Variants in PLD5 observed in about 807,000 individuals in gnomAD.
PLD5 encodes the protein inactive phospholipase D5.
PLD5 carries 36 observed loss-of-function variants against 61.1 expected under a neutral mutation model. The observed-to-expected ratio is 0.59, with a 90% confidence interval of 0.45 to 0.78. The LOEUF (loss-of-function observed/expected upper bound fraction) is 0.78. PLD5 is among the 30% of genes least tolerant of loss of function. The pLI is 0.00. For missense variants in PLD5, 515 were observed against 644.4 expected, an observed-to-expected ratio of 0.80 and a Z score of 2.17; for synonymous variants, 243 against 242.8, an observed-to-expected ratio of 1.00 and a Z score of -0.01.
In PLD5 at chr1:242,220,015, G is replaced by T; in HGVS notation, c.708C>A (p.Ala236=). The change falls in exon 5 of 10, where the codon GCC becomes GCA. Residue 236 remains alanine, a synonymous_variant. Coordinates refer to ENST00000536534, the MANE Select transcript of PLD5 (RefSeq NM_001372062.1). ...VDKQHVYIGS[A]GLDWQSLGQM... ...GTCCCAGGGATTGCCAGTCCAAACC[G>T]GCACTGCCGATATACACGTGCTGTT... 1.9e-6 allele frequency: 3 copies of T among 1,614,068 alleles called. No individual in the cohort carries two copies. The highest frequency in any genetic ancestry group is 2.5e-6 in the Non-Finnish European group (3 of 1,179,938).
rs1669374475 is a variant in PLD5 at position 242,524,279 on chromosome 1, T to G, written c.-3A>C. ...CACTCGTGCTGCCGGATCTCCATCC[T>G]GACATGACCGGGCGGCCGCCGGCGA... is the stretch of plus-strand genomic sequence containing the variant. On this transcript the variant is annotated 5_prime_UTR_variant, in exon 1 of 10. Coordinates refer to ENST00000536534, the MANE Select transcript of PLD5 (RefSeq NM_001372062.1). 1 of 1,408,058 alleles carries G rather than the reference T, an allele frequency of 7.1e-7. No individual in the cohort carries two copies. Among genetic ancestry groups the G allele is most frequent in the Non-Finnish European group, 9.2e-7 (1 of 1,086,588 alleles). The allele number at this position is 1,408,058 out of a possible 1,614,324, so 87.2% of individuals were successfully genotyped here. A position where few individuals can be genotyped will look rare whatever the true frequency, so the allele number is the denominator to read the frequency against.
At chr1:242,228,333 G>C (rs571765629) in intron 4 of PLD5, among the ~76,000 whole-genome samples, 1 of 152,130 alleles carries the variant, frequency 6.6e-6, no homozygotes, top group African/African-American at 2.4e-5. Context: ...TATGTGCAGC[G>C]TATACATGCA....
chr1:242,466,458 A>G (rs568236168), intron 1 of PLD5, among the ~76,000 whole-genome samples: 1 of 152,336 alleles, frequency 6.6e-6, no homozygotes, highest in East Asian at 1.9e-4. Context: ...TGTGGTATAT[A>G]TACACAAAGG....
At chr1:242,257,177 CA>C (rs1179114125) in intron 4 of PLD5, among the ~76,000 whole-genome samples, 6 of 151,810 alleles carry the variant, frequency 4.0e-5, no homozygotes. Flanking sequence ...TGAAGAATCC[CA>C]AAAAGGAAAG....
At chr1:242,139,930 G>T (rs1429630378) in intron 5 of PLD5, among the ~76,000 whole-genome samples, 2 of 152,172 alleles carry the variant, frequency 1.3e-5, no homozygotes, top group African/African-American at 2.4e-5. Flanking sequence ...AGACTCTTCT[G>T]TAGGTGTGAT....
At chr1:242,121,601 A>G (rs1046959337) in intron 6 of PLD5, among the ~76,000 whole-genome samples, 9 of 152,210 alleles carry the variant, frequency 5.9e-5, no homozygotes, top group African/African-American at 9.6e-5. Flanking sequence ...GTATATACCC[A>G]AAGGATTATA....
At chr1:242,300,330 G>GCTA (rs2149159232) in intron 2 of PLD5, among the ~76,000 whole-genome samples, 1 of 152,244 alleles carries the variant, frequency 6.6e-6, no homozygotes, top group African/African-American at 2.4e-5. Flanking sequence ...AGTAATCCCA[G>GCTA]CTACTTAGGA....
At chr1:242,424,894 G>A (rs1665333902) in intron 1 of PLD5, among the ~76,000 whole-genome samples, 1 of 152,194 alleles carries the variant, frequency 6.6e-6, no homozygotes, top group Non-Finnish European at 1.5e-5. Flanking sequence ...CACTTTGGGA[G>A]GTCAAGACGG....
intron 1 of PLD5, among the ~76,000 whole-genome samples, chr1:242,494,408 T>C (rs1302361877): frequency 2.0e-5 from 3 of 152,112 alleles, no homozygotes; most frequent in Admixed American, 2.0e-4. Context: ...TTTAAGCTGA[T>C]GGTTTATCCC....
chr1:242,317,950 T>G (rs1277170551), intron 2 of PLD5, among the ~76,000 whole-genome samples: 1 of 152,184 alleles, frequency 6.6e-6, no homozygotes, highest in Non-Finnish European at 1.5e-5. Context: ...TGAATGCTAC[T>G]GTTCATGGGA....
intron 5 of PLD5, among the ~76,000 whole-genome samples, chr1:242,170,142 C>T (rs958111055): frequency 6.6e-6 from 1 of 152,234 alleles, no homozygotes; most frequent in Non-Finnish European, 1.5e-5. Flanking sequence ...GACTGGAAGA[C>T]AACTCCCAGG....
chr1:242,183,974 T>C (rs530483567), intron 5 of PLD5, among the ~76,000 whole-genome samples: 1 of 70,960 alleles, frequency 1.4e-5, no homozygotes, highest in African/African-American at 5.9e-5. Flanking sequence ...AATGACTTCA[T>C]ATTTATTTAT....
intron 1 of PLD5, among the ~76,000 whole-genome samples, chr1:242,390,747 T>C (rs1558520851): frequency 6.6e-6 from 1 of 152,196 alleles, no homozygotes; most frequent in Non-Finnish European, 1.5e-5. Context: ...ACTGAAACTA[T>C]GCTTGACTTA....
At position 242,524,390 on chromosome 1, in the gene PLD5, C is replaced by G; in HGVS notation, c.-114G>C. The stretch of plus-strand genomic sequence containing the variant: ...CGGGAGCCGGAGGTGGAGCTGGAGA[C>G]TGAGCTGGAGGAGCTGGAGGAGCGA... On this transcript the variant is annotated 5_prime_UTR_variant, in exon 1 of 10. Coordinates refer to ENST00000536534, the MANE Select transcript of PLD5 (RefSeq NM_001372062.1). 9.1e-7 allele frequency: 1 copy of G among 1,093,972 alleles called. No individual in the cohort carries two copies. Among genetic ancestry groups the G allele is most frequent in the Non-Finnish European group, 1.2e-6 (1 of 836,932 alleles). 67.8% of individuals were successfully genotyped at this position (1,093,972 alleles called of 1,614,324 possible).
At chr1:242,285,966 G>A (rs1354242177) in intron 3 of PLD5, among the ~76,000 whole-genome samples, 2 of 151,908 alleles carry the variant, frequency 1.3e-5, no homozygotes, top group African/African-American at 4.8e-5. Context: ...AAACTTAGCT[G>A]AGCATGGTGG....
chr1:242,143,217 CT>C (rs1664307949), intron 5 of PLD5, among the ~76,000 whole-genome samples: 1 of 151,152 alleles, frequency 6.6e-6, no homozygotes, highest in Non-Finnish European at 1.5e-5. Context: ...TTTCTTTTTT[CT>C]TTTTTTGTAT....
intron 5 of PLD5, among the ~76,000 whole-genome samples, chr1:242,156,406 G>T (rs535973643): frequency 2.4e-4 from 37 of 152,270 alleles, no homozygotes; most frequent in Non-Finnish European, 4.9e-4. Flanking sequence ...GATGCTAGCT[G>T]GTTAGTTTGC....
intron 1 of PLD5, among the ~76,000 whole-genome samples, chr1:242,383,199 A>T (rs923728428): frequency 2.0e-5 from 3 of 152,010 alleles, no homozygotes; most frequent in African/African-American, 2.4e-5. Flanking sequence ...CTCATTTTTT[A>T]AAATTTATTT....
intron 2 of PLD5, among the ~76,000 whole-genome samples, chr1:242,290,275 A>AGGAGGAAGCTGGGCTTGAAAGCT (rs1675279700): frequency 1.6e-5 from 1 of 61,332 alleles, no homozygotes; most frequent in Non-Finnish European, 3.5e-5. Context: ...GGGGACATCT[A>AGGAGGAAGCTGGGCTTGAAAGCT]GGAGGAAGCT....
Sources: gnomAD v4.1 joint callset for allele counts (sites outside exome capture counted in the v4.1 genomes callset) on GRCh38, gnomAD v4.1.1 for gene constraint, MANE v1.5 for transcripts, NCBI Gene and HGNC (gene_info 2026-07-23, HGNC 2026-07-21) for gene names.